Variants in SNX29 observed in about 807,000 individuals in gnomAD.
SNX29 encodes the protein sorting nexin-29.
A neutral mutation model predicts 102.1 loss-of-function variants in SNX29; 78 were observed. The ratio of observed to expected loss-of-function variants is 0.76; its 90% CI spans 0.64 to 0.92. The LOEUF is 0.92. Among genes scored for constraint, SNX29 ranks in the 40% least tolerant of loss-of-function variants. The pLI is 0.00. For synonymous variants in SNX29, 580 were observed against 414.5 expected, an observed-to-expected ratio of 1.40 and a Z score of -4.85; for missense variants, 1,280 against 1,061.7, an observed-to-expected ratio of 1.21 and a Z score of -2.86.
chr16:12,370,581 A>G (rs1008948378), intron 16 of SNX29, among the ~76,000 whole-genome samples: 1 of 152,156 alleles, frequency 6.6e-6, no homozygotes, highest in African/African-American at 2.4e-5. Flanking sequence ...ATGAAGGTAC[A>G]TCTCTGCTTC....
rs2079239636 is a variant in SNX29, at chr16:12,573,983, G to A, written c.*5354G>A. 1.0e-5 allele frequency: 2 copies of A among 198,982 alleles called. No homozygotes were observed. Among genetic ancestry groups the A allele is most frequent in the Admixed American group, 6.0e-5 (1 of 16,550 alleles). 12.3% of individuals were successfully genotyped at this position (198,982 alleles called of 1,614,324 possible). On this transcript the variant is annotated 3_prime_UTR_variant, in exon 21 of 21. Coordinates refer to ENST00000566228, the MANE Select transcript of SNX29 (RefSeq NM_032167.5). ...GGTAACCCCACTAGGGGGCGCCCAT[G>A]ATCGGCTCCCAGTGCACCCCCTTAA...
At chr16:12,189,389 G>GT (rs2076588087) in intron 13 of SNX29, among the ~76,000 whole-genome samples, 1 of 152,180 alleles carries the variant, frequency 6.6e-6, no homozygotes, top group Non-Finnish European at 1.5e-5. Context: ...TGACCTTGAC[G>GT]TTTTTGAAGA....
rs145873842 is a variant in SNX29 at position 12,073,282 on chromosome 16, C to G, written c.1319+4150C>G. Among the ~76,000 whole-genome samples, 557 of 152,194 alleles carry G rather than the reference C, an allele frequency of 3.7e-3. 7 individuals are homozygous for G. Among genetic ancestry groups the G allele is most frequent in the African/African-American group, 0.013 (527 of 41,518 alleles). The stretch of plus-strand genomic sequence containing the variant: ...TGATGTTAGGGTGTGAATTTTGGAT[C>G]TTTCCTGCTTTCTCTTGTGGGCATT... On this transcript the variant is annotated intron_variant, in intron 10 of 20. Coordinates refer to ENST00000566228, the MANE Select transcript of SNX29 (RefSeq NM_032167.5).
chr16:12,518,219 T>C (rs1456511352), intron 19 of SNX29, among the ~76,000 whole-genome samples: 1 of 152,130 alleles, frequency 6.6e-6, no homozygotes, highest in Non-Finnish European at 1.5e-5. Context: ...CCAGCATTGC[T>C]TCTCAGTGTT....
At chr16:12,401,787 G>A (rs7192877) in intron 17 of SNX29, among the ~76,000 whole-genome samples, 2,869 of 152,250 alleles carry the variant, frequency 0.019, 93 homozygotes, top group African/African-American at 0.065. Context: ...TGGCTTCTCA[G>A]TAAAACTTGT....
chr16:12,444,220 C>T (rs1366589067), intron 18 of SNX29, among the ~76,000 whole-genome samples: 1 of 151,812 alleles, frequency 6.6e-6, no homozygotes, highest in Non-Finnish European at 1.5e-5. Flanking sequence ...CAGTATAGCC[C>T]CTAGCATGTG....
At position 12,283,390 on chromosome 16, in the gene SNX29, G is replaced by C. The variant is rs528505485; in HGVS notation, c.1782+5354G>C. ...GCTGGAGTGTAGTGGCGTGATCTTG[G>C]CTCACTGCAAGCTCCACCTCCTGGG... On this transcript the variant is annotated intron_variant, in intron 15 of 20. Transcript: ENST00000566228. 2.0e-5 allele frequency among the ~76,000 whole-genome samples: 3 copies of C among 151,632 alleles called. No individual in the cohort carries two copies. The East Asian group carries it at 5.8e-4, about 29-fold the overall frequency.
chr16:12,034,299 C>T (rs1270504152), intron 4 of SNX29, among the ~76,000 whole-genome samples: 5 of 152,178 alleles, frequency 3.3e-5, no homozygotes, highest in South Asian at 4.1e-4. Flanking sequence ...GTTCCTCACT[C>T]GCCCATCCCT....
intron 19 of SNX29, among the ~76,000 whole-genome samples, chr16:12,488,377 T>G (rs2088358607): frequency 6.6e-6 from 1 of 152,074 alleles, no homozygotes; most frequent in South Asian, 2.1e-4. Context: ...CGCCCTTCCC[T>G]GGGTTCATTT....
At chr16:12,380,543 C>T (rs1340350827) in intron 16 of SNX29, among the ~76,000 whole-genome samples, 1 of 128,700 alleles carries the variant, frequency 7.8e-6, no homozygotes, top group Non-Finnish European at 1.7e-5. Flanking sequence ...CCACCTACCA[C>T]CCACCATCCA....
At chr16:12,043,806 T>C (rs1300264861) in intron 5 of SNX29, among the ~76,000 whole-genome samples, 4 of 152,176 alleles carry the variant, frequency 2.6e-5, no homozygotes, top group Non-Finnish European at 1.5e-5. Flanking sequence ...CAGGCTGGAG[T>C]GCACTGATGC....
chr16:12,161,854 G>A (rs1217333126), intron 13 of SNX29, among the ~76,000 whole-genome samples: 1 of 152,052 alleles, frequency 6.6e-6, no homozygotes, highest in Non-Finnish European at 1.5e-5. Context: ...ACTAGAAGCA[G>A]GTGCTGGACC....
chr16:12,094,650 G>A (rs1002630562), intron 11 of SNX29, among the ~76,000 whole-genome samples: 14 of 152,160 alleles, frequency 9.2e-5, no homozygotes, highest in Non-Finnish European at 1.9e-4. Flanking sequence ...GACATATATG[G>A]TTGTCACACC....
At chr16:12,278,992 G>A (rs956789749) in intron 15 of SNX29, among the ~76,000 whole-genome samples, 4 of 152,006 alleles carry the variant, frequency 2.6e-5, no homozygotes, top group African/African-American at 4.8e-5. Flanking sequence ...ATGATAAAGA[G>A]GTTTTTCAAA....
At chr16:12,101,425 C>T (rs2053013664) in intron 11 of SNX29, among the ~76,000 whole-genome samples, 2 of 151,346 alleles carry the variant, frequency 1.3e-5, no homozygotes, top group South Asian at 4.2e-4. Flanking sequence ...GCTCTGTTGC[C>T]CAGGCTGGAG....
intron 3 of SNX29, among the ~76,000 whole-genome samples, chr16:12,019,354 C>T (rs903471663): frequency 4.6e-5 from 7 of 151,944 alleles, no homozygotes; most frequent in South Asian, 2.1e-4. Flanking sequence ...ACTACAGGCC[C>T]GCCACCATGC....
At chr16:12,212,578 C>A (rs2077215179) in intron 14 of SNX29, among the ~76,000 whole-genome samples, 1 of 152,148 alleles carries the variant, frequency 6.6e-6, no homozygotes, top group Admixed American at 6.5e-5. Flanking sequence ...TCAGTATTTC[C>A]ATTTGAGGAG....
intron 11 of SNX29, among the ~76,000 whole-genome samples, chr16:12,088,365 T>C (rs1278350649): frequency 6.6e-6 from 1 of 151,940 alleles, no homozygotes; most frequent in African/African-American, 2.4e-5. Flanking sequence ...GCAGGGTGCT[T>C]TTAGGACATG....
chr16:12,429,631 A>G (rs1420000094), intron 18 of SNX29, among the ~76,000 whole-genome samples: 1 of 152,132 alleles, frequency 6.6e-6, no homozygotes, highest in Admixed American at 6.5e-5. Context: ...TTACACCAAA[A>G]CCATCTCTTG....
Sources: gnomAD v4.1 joint callset for allele counts (sites outside exome capture counted in the v4.1 genomes callset) on GRCh38, gnomAD v4.1.1 for gene constraint, MANE v1.5 for transcripts, NCBI Gene and HGNC (gene_info 2026-07-23, HGNC 2026-07-21) for gene names.